The following CYP3A5 variants were observed in gnomAD, a reference collection of about 807,000 sequenced individuals.
The protein encoded by CYP3A5 is cytochrome P450 family 3 subfamily A member 5, also known as cytochrome P450 3A5.
CYP3A5 carries 51 observed loss-of-function variants against 55.9 expected under a neutral mutation model. That is an observed-to-expected ratio of 0.91 (90% CI 0.73 to 1.15). CYP3A5 has a LOEUF of 1.15. Among genes scored for constraint, CYP3A5 ranks in the 50% most tolerant of loss-of-function variants. CYP3A5 has a pLI of 0.00. For synonymous variants in CYP3A5, 196 were observed against 213.9 expected (o/e 0.92, Z 0.73); for missense variants, 533 against 596.6 (o/e 0.89, Z 1.11).
chr7:99,678,830 C>G (rs1812541781), intron 1 of CYP3A5, among the ~76,000 whole-genome samples: 1 of 152,206 alleles, frequency 6.6e-6, no homozygotes, highest in Non-Finnish European at 1.5e-5. Flanking sequence ...GTTCCCTGCT[C>G]TTAATAAAAG....
In CYP3A5 at chr7:99,651,119, G is replaced by A. The variant is rs115849664; in HGVS notation, c.1254-887C>T. On this transcript the variant is annotated intron_variant, in intron 11 of 12. Coordinates refer to ENST00000222982, the MANE Select transcript of CYP3A5 (RefSeq NM_000777.5). ...ACATGATAGTCAGGAGGAGGGTGAT[G>A]GTGGCATTTGGATGGGGCAGCTAAC... 4.0e-3 allele frequency among the ~76,000 whole-genome samples: 614 copies of A among 152,238 alleles called. 2 individuals carry two copies. Among genetic ancestry groups the A allele is most frequent in the African/African-American group, 0.014 (587 of 41,544 alleles).
intron 10 of CYP3A5, chr7:99,660,082 T>C: frequency 2.1e-6 from 1 of 479,866 alleles, no homozygotes; most frequent in Non-Finnish European, 2.7e-6. Context: ...CTGCACCCAC[T>C]CTCCAACAAT....
chr7:99,649,960 G>T, intron 12 of CYP3A5, 113 bp downstream of exon 12: 2 of 1,333,064 alleles, frequency 1.5e-6, no homozygotes, highest in Non-Finnish European at 2.1e-6. Flanking sequence ...ATCCAAGTAG[G>T]TTCTTTGGCC....
At chr7:99,657,217 T>C (rs1809841384) in intron 10 of CYP3A5, among the ~76,000 whole-genome samples, 1 of 152,256 alleles carries the variant, frequency 6.6e-6, no homozygotes, top group Non-Finnish European at 1.5e-5. Context: ...CTTGTAGGCA[T>C]TTAGTGCTAT....
At chr7:99,678,190 C>T in intron 1 of CYP3A5, among the ~76,000 whole-genome samples, 1 of 152,244 alleles carries the variant, frequency 6.6e-6, no homozygotes, top group East Asian at 1.9e-4. Flanking sequence ...CACAACATGG[C>T]AGACCACACA....
At chr7:99,666,882 G>C in intron 5 of CYP3A5, 70 bp downstream of exon 5, 3 of 1,599,258 alleles carry the variant, frequency 1.9e-6, no homozygotes, top group Non-Finnish European at 2.6e-6. Context: ...AACGGACTGT[G>C]ATCTTACTTT....
intron 3 of CYP3A5, chr7:99,674,316 C>T (rs1812002612): frequency 2.4e-6 from 1 of 417,640 alleles, no homozygotes; most frequent in Non-Finnish European, 4.3e-6. Flanking sequence ...TCTTGTTTAC[C>T]TCCCTGAATT....
intron 8 of CYP3A5, 84 bp downstream of exon 8, chr7:99,663,884 A>G (rs1226751678): frequency 6.8e-6 from 10 of 1,463,778 alleles, no homozygotes; most frequent in Non-Finnish European, 9.0e-6. Flanking sequence ...ATTTTTAAAA[A>G]TACAGATACA....
intron 7 of CYP3A5, among the ~76,000 whole-genome samples, chr7:99,664,710 T>A (rs143692786): frequency 6.6e-6 from 1 of 152,276 alleles, no homozygotes; most frequent in African/African-American, 2.4e-5. Flanking sequence ...CTGTAATATC[T>A]AAATTTAAAA....
intron 11 of CYP3A5, among the ~76,000 whole-genome samples, chr7:99,651,607 A>G (rs562033423): frequency 6.6e-6 from 1 of 152,330 alleles, no homozygotes; most frequent in Non-Finnish European, 1.5e-5. Context: ...CCAACAAGAC[A>G]AGGTTCCTCC....
chr7:99,672,954 G>C, intron 3 of CYP3A5: 1 of 1,177,274 alleles, frequency 8.5e-7, no homozygotes, highest in East Asian at 3.9e-5. Flanking sequence ...ATTATGGTTA[G>C]AAATGACAGT....
Position 99,666,985 on chromosome 7 carries a change from C to G in CYP3A5, c.399G>C (p.Leu133=), listed in dbSNP as rs1385128523. 1 of 1,614,062 alleles carries G rather than the reference C, an allele frequency of 6.2e-7. No individual in the cohort carries two copies. Among genetic ancestry groups the G allele is most frequent in the Admixed American group, 1.7e-5 (1 of 60,018 alleles). The part of the protein sequence containing the change: ...DEEWKRIRSL[L]SPTFTSGKLK... ...GTTTTCCGCTGGTGAAGGTTGGAGA[C>G]AGCAATGACCGTATTCTCTTCCATT... Residue 133 remains leucine (L), a synonymous_variant, in exon 5 of 13, where the codon CTG becomes CTC. Coordinates refer to ENST00000222982, the MANE Select transcript of CYP3A5 (RefSeq NM_000777.5).
chr7:99,672,712 A>T (rs1811794199), intron 3 of CYP3A5, 33 bp from the exon 4 acceptor site: 1 of 1,612,334 alleles, frequency 6.2e-7, no homozygotes, highest in Admixed American at 1.7e-5. Flanking sequence ...ATTAAACTTC[A>T]CTAGCCCGAT....
At chr7:99,671,116 TTTGTGTGTGTGTGTGTG>T (rs1563000015) in intron 4 of CYP3A5, 1 of 112,174 alleles carries the variant, frequency 8.9e-6, no homozygotes, top group African/African-American at 3.7e-5. Flanking sequence ...ACACAGACCA[TTTGTGTGTGTGTGTGTG>T]TGTGTGTGTG....
chr7:99,649,228 T>C (rs1289549416), intron 12 of CYP3A5, among the ~76,000 whole-genome samples: 2 of 152,126 alleles, frequency 1.3e-5, no homozygotes, highest in Admixed American at 1.3e-4. Context: ...AATACACACA[T>C]AGGAAAGCTA....
intron 7 of CYP3A5, among the ~76,000 whole-genome samples, chr7:99,664,357 C>T (rs185929154): frequency 6.6e-6 from 1 of 152,312 alleles, no homozygotes; most frequent in Admixed American, 6.5e-5. Context: ...ATTAAATTCC[C>T]TGACCTCTTA....
At chr7:99,652,812 A>G in intron 10 of CYP3A5, 33 bp from the exon 11 acceptor site, 1 of 1,564,108 alleles carries the variant, frequency 6.4e-7, no homozygotes, top group Non-Finnish European at 8.8e-7. Flanking sequence ...GGATAATCTG[A>G]GATTTTGAAT....
intron 4 of CYP3A5, among the ~76,000 whole-genome samples, 190 bp downstream of exon 4, chr7:99,672,390 T>A (rs1311085921): frequency 6.6e-6 from 1 of 152,082 alleles, no homozygotes; most frequent in Non-Finnish European, 1.5e-5. Flanking sequence ...CCTGATAATA[T>A]GAATATACTA....
chr7:99,677,686 G>T (rs146495773), intron 1 of CYP3A5, among the ~76,000 whole-genome samples: 1 of 152,336 alleles, frequency 6.6e-6, no homozygotes, highest in Non-Finnish European at 1.5e-5. Flanking sequence ...CATACATTTG[G>T]TTCCCTGCCC....
Sources: gnomAD v4.1 joint callset for allele counts (sites outside exome capture counted in the v4.1 genomes callset) on GRCh38, gnomAD v4.1.1 for gene constraint, MANE v1.5 for transcripts, NCBI Gene and HGNC (gene_info 2026-07-23, HGNC 2026-07-21) for gene names.